Variants in RASSF4 observed in about 807,000 individuals in gnomAD.
RASSF4 encodes Ras association domain family member 4.
Under a neutral mutation model 41.1 loss-of-function variants are expected in RASSF4, and 38 were observed. The observed-to-expected ratio is 0.92, with a 90% confidence interval of 0.71 to 1.21. RASSF4 has a LOEUF of 1.21. RASSF4 is among the 50% of genes most tolerant of loss of function. RASSF4 has a pLI of 0.00. For missense variants in RASSF4, 414 were observed against 419.4 expected (o/e 0.99, Z 0.11); for synonymous variants, 179 against 163.4 (o/e 1.10, Z -0.73).
chr10:44,977,686 C>CT (rs1294036632), intron 3 of RASSF4: 1 of 1,612,744 alleles, frequency 6.2e-7, no homozygotes, highest in Non-Finnish European at 8.5e-7. Context: ...GGCTTGGCTG[C>CT]TTTTCCTGGG....
intron 6 of RASSF4, among the ~76,000 whole-genome samples, chr10:44,988,600 T>C (rs1227230612): frequency 2.0e-5 from 3 of 152,246 alleles, no homozygotes; most frequent in Non-Finnish European, 4.4e-5. Context: ...CAGATACTTT[T>C]AGACCCGCGC....
chr10:44,977,810 CGGCAGGCCTG>C, intron 3 of RASSF4: 1 of 1,601,240 alleles, frequency 6.2e-7, no homozygotes, highest in Non-Finnish European at 8.5e-7. Context: ...GCGGCCCTTC[CGGCAGGCCTG>C]GGCTGGCCTG....
intron 6 of RASSF4, among the ~76,000 whole-genome samples, chr10:44,986,742 T>C (rs1235946551): frequency 6.6e-6 from 1 of 152,224 alleles, no homozygotes; most frequent in Non-Finnish European, 1.5e-5. Context: ...GAGGCAACAA[T>C]TGAAAAAATA....
intron 7 of RASSF4, 27 bp downstream of exon 7, chr10:44,989,402 C>G: frequency 3.3e-6 from 5 of 1,494,332 alleles, no homozygotes; most frequent in South Asian, 1.1e-5. Flanking sequence ...GCAGCCTTGC[C>G]CCAGGATGCC....
chr10:44,968,933 AG>A (rs1292853691), intron 1 of RASSF4, among the ~76,000 whole-genome samples: 10 of 152,064 alleles, frequency 6.6e-5, no homozygotes, highest in Non-Finnish European at 1.2e-4. Context: ...TGGAAGGTGG[AG>A]GCAAGGTCAG....
At chr10:44,989,875 A>G (rs536846219) in intron 8 of RASSF4, among the ~76,000 whole-genome samples, 154 bp downstream of exon 8, 1 of 152,374 alleles carries the variant, frequency 6.6e-6, no homozygotes, top group African/African-American at 2.4e-5. Context: ...TCCCAGCATG[A>G]ACATTTCTCC....
chr10:44,969,338 G>T (rs905745554), intron 1 of RASSF4, among the ~76,000 whole-genome samples: 1 of 152,004 alleles, frequency 6.6e-6, no homozygotes, highest in Non-Finnish European at 1.5e-5. Context: ...GCTGTGTGTG[G>T]AAAGAGGGAA....
intron 4 of RASSF4, 61 bp from the exon 5 acceptor site, chr10:44,983,961 T>G: frequency 6.4e-7 from 1 of 1,552,068 alleles, no homozygotes; most frequent in Admixed American, 2.0e-5. Context: ...TCTCTTCTCC[T>G]TGGCCTGAGC....
chr10:44,977,656 C>T (rs1259093803), intron 3 of RASSF4: 1 of 1,613,120 alleles, frequency 6.2e-7, no homozygotes. Context: ...AGGGGCCAGT[C>T]CTCCTTGGCA....
At chr10:44,983,916 G>T in intron 4 of RASSF4, 106 bp from the exon 5 acceptor site, 1 of 1,539,460 alleles carries the variant, frequency 6.5e-7, no homozygotes, top group Non-Finnish European at 8.8e-7. Context: ...AGCCTGCCTT[G>T]CTTCCCGCCT....
chr10:44,990,868 T>C (rs1588849357), intron 8 of RASSF4, 80 bp from the exon 9 acceptor site: 1 of 1,490,020 alleles, frequency 6.7e-7, no homozygotes, highest in Non-Finnish European at 9.2e-7. Context: ...TAGACGCACA[T>C]TTTCTATCAG....
At chr10:44,982,226 G>T (rs879535253) in intron 3 of RASSF4, 7 of 449,320 alleles carry the variant, frequency 1.6e-5, no homozygotes, top group Non-Finnish European at 2.4e-5. Flanking sequence ...CTTCACCGCG[G>T]TGTGGACGTG....
intron 1 of RASSF4, among the ~76,000 whole-genome samples, chr10:44,969,109 TG>T (rs200297793): frequency 8.0e-5 from 11 of 137,402 alleles, no homozygotes; most frequent in South Asian, 2.2e-4. Flanking sequence ...CGTGTGTTTT[TG>T]TGTGTGTGTG....
intron 1 of RASSF4, among the ~76,000 whole-genome samples, chr10:44,966,218 G>A (rs939814797): frequency 3.3e-5 from 5 of 152,122 alleles, no homozygotes; most frequent in African/African-American, 1.2e-4. Context: ...GAGCTCTTTA[G>A]GAAGCATTTT....
chr10:44,970,252 A>AC lies in RASSF4; in HGVS notation c.50_51insC (p.Lys17AsnfsTer20). On this transcript the variant is annotated frameshift_variant, in exon 2 of 11. Transcript: ENST00000340258. LOFTEE classifies it high-confidence loss of function. ...TCTCACGTGCCCATCAGTGACAGCA[A>AC]GTCCATTCAGAAGTAAGCCTTGGTG... The AC allele has an allele frequency of 6.2e-7, 1 of 1,614,048 alleles. No individual in the cohort carries two copies. Among genetic ancestry groups the AC allele is most frequent in the Middle Eastern group, 1.6e-4 (1 of 6,062 alleles).
At chr10:44,977,746 T>C in intron 3 of RASSF4, 1 of 1,601,676 alleles carries the variant, frequency 6.2e-7, no homozygotes, top group Non-Finnish European at 8.5e-7. Context: ...CCATGGGCAG[T>C]GTGGGCTGCT....
At chr10:44,970,129 G>A in intron 1 of RASSF4, 36 bp from the exon 2 acceptor site, 2 of 1,331,444 alleles carry the variant, frequency 1.5e-6, no homozygotes, top group Non-Finnish European at 2.2e-6. Context: ...CACTCCTCTG[G>A]CTCACCTGTC....
intron 3 of RASSF4, chr10:44,977,362 C>T (rs1841479903): frequency 6.5e-7 from 1 of 1,530,030 alleles, no homozygotes; most frequent in Admixed American, 2.1e-5. Context: ...ACCCAGCATG[C>T]TCTCTACAGA....
chr10:44,963,134 T>C (rs892770793), intron 1 of RASSF4, among the ~76,000 whole-genome samples: 1 of 152,084 alleles, frequency 6.6e-6, no homozygotes, highest in Non-Finnish European at 1.5e-5. Context: ...TGGACTCCCC[T>C]GGTCTCCATC....
Sources: allele counts gnomAD v4.1 joint callset (sites outside exome capture counted in the v4.1 genomes callset), GRCh38; gene constraint gnomAD v4.1.1; transcripts MANE v1.5; gene names NCBI Gene and HGNC (gene_info 2026-07-23, HGNC 2026-07-21).